Variants in CASD1 observed in about 807,000 individuals in gnomAD.
The protein encoded by CASD1 is CAS1 domain sialic acid O acetyltransferase 1, also known as N-acetylneuraminate (7)9-O-acetyltransferase.
CASD1 carries 41 observed loss-of-function variants against 100.0 expected under a neutral mutation model. The observed-to-expected ratio is 0.41, with a 90% CI of 0.32 to 0.53. CASD1 has a LOEUF of 0.53. Ranked by LOEUF, CASD1 falls within the 20% of genes least tolerant of loss-of-function variation. The pLI is 0.25. For missense variants in CASD1, 774 were observed against 948.7 expected, an observed-to-expected ratio of 0.82 and a Z score of 2.42; for synonymous variants, 321 against 315.6, an observed-to-expected ratio of 1.02 and a Z score of -0.18.
the CASD1 span, chr7:94,597,961 C>CAT: frequency 1.2e-5 from 2 of 163,366 alleles, no homozygotes; most frequent in Non-Finnish European, 2.6e-5. Context: ...GAGCCAAGAT[C>CAT]GCTCCATTGC....
chr7:94,549,921 T>C (rs528986208), intron 14 of CASD1, among the ~76,000 whole-genome samples: 11 of 152,080 alleles, frequency 7.2e-5, no homozygotes, highest in African/African-American at 2.7e-4. Context: ...GTTGTATATA[T>C]GCTTCAGCCA....
chr7:94,534,113 T>A (rs1216501265), intron 7 of CASD1, among the ~76,000 whole-genome samples: 1 of 151,830 alleles, frequency 6.6e-6, no homozygotes, highest in African/African-American at 2.4e-5. Flanking sequence ...CAAAACATAT[T>A]TATTGTGATT....
At chr7:94,562,223 A>G in the CASD1 span, among the ~76,000 whole-genome samples, 1 of 152,172 alleles carries the variant, frequency 6.6e-6, no homozygotes, top group South Asian at 2.1e-4. Context: ...AAAACAGGGC[A>G]CTTTGGTATT....
the CASD1 span, among the ~76,000 whole-genome samples, chr7:94,612,746 T>C: frequency 3.3e-5 from 5 of 152,156 alleles, no homozygotes; most frequent in East Asian, 7.7e-4. Context: ...CAACTTAATA[T>C]GTTCCAAACT....
chr7:94,509,998 T>C lies in CASD1; in HGVS notation c.-87T>C, dbSNP rs1490174726. On this transcript the variant is annotated 5_prime_UTR_variant, in exon 1 of 18. Coordinates refer to ENST00000297273, the MANE Select transcript of CASD1 (RefSeq NM_022900.5). ...GGGGAGCTGGCGGCCGCTCCTCGCC[T>C]GGCTGCAGCGGCGGCAGCCCCAGTG... 2 of 1,287,062 alleles carry C rather than the reference T, an allele frequency of 1.6e-6. No individual in the cohort carries two copies. Among genetic ancestry groups the C allele is most frequent in the Admixed American group, 6.9e-5 (2 of 29,050 alleles). 79.7% of individuals were successfully genotyped at this position (1,287,062 alleles called of 1,614,324 possible).
the CASD1 span, chr7:94,600,705 T>C: frequency 6.2e-7 from 1 of 1,613,820 alleles, no homozygotes; most frequent in African/African-American, 1.3e-5. Flanking sequence ...CCAGTGCCAC[T>C]GCCGAGGGCA....
the CASD1 span, among the ~76,000 whole-genome samples, chr7:94,585,843 T>TA: frequency 4.0e-5 from 6 of 151,768 alleles, no homozygotes; most frequent in Non-Finnish European, 8.8e-5. Flanking sequence ...TCGTGGCTTT[T>TA]AAAAAAATAT....
chr7:94,522,600 A>T (rs538008627), intron 3 of CASD1, among the ~76,000 whole-genome samples: 49 of 152,274 alleles, frequency 3.2e-4, no homozygotes, highest in African/African-American at 8.7e-4. Context: ...TAGAAAATAC[A>T]CTTTACAATC....
the CASD1 span, among the ~76,000 whole-genome samples, chr7:94,569,418 A>T: frequency 6.6e-6 from 1 of 152,158 alleles, no homozygotes; most frequent in Non-Finnish European, 1.5e-5. Context: ...AATCCCAAGG[A>T]ATATTGCTAA....
At chr7:94,569,805 T>C in the CASD1 span, among the ~76,000 whole-genome samples, 1 of 147,034 alleles carries the variant, frequency 6.8e-6, no homozygotes, top group South Asian at 2.2e-4. Flanking sequence ...ATTCTACCAA[T>C]CTCTGACTTT....
the CASD1 span, among the ~76,000 whole-genome samples, chr7:94,592,756 G>A: frequency 6.6e-6 from 1 of 152,112 alleles, no homozygotes; most frequent in South Asian, 2.1e-4. Flanking sequence ...AATTCTGTGA[G>A]TAAGGTTGAT....
chr7:94,561,194 C>T (rs764318391), downstream of CASD1, among the ~76,000 whole-genome samples: 2 of 151,870 alleles, frequency 1.3e-5, no homozygotes, highest in Non-Finnish European at 2.9e-5. Context: ...TGCAATGAGC[C>T]GAGATCACGC....
the CASD1 span, chr7:94,599,061 AAAT>A: frequency 4.6e-6 from 4 of 875,258 alleles, no homozygotes; most frequent in Admixed American, 2.4e-5. Context: ...TTATCTTTTA[AAAT>A]AATAAGACAT....
chr7:94,587,552 G>A, the CASD1 span: 1 of 1,318,688 alleles, frequency 7.6e-7, no homozygotes, highest in East Asian at 3.1e-5. Context: ...TGGTAGTAGG[G>A]ATTCATTTAT....
At chr7:94,565,680 A>G in the CASD1 span, among the ~76,000 whole-genome samples, 2 of 152,188 alleles carry the variant, frequency 1.3e-5, no homozygotes, top group Non-Finnish European at 2.9e-5. Context: ...CAAGGACTTC[A>G]TGATTCACAT....
At chr7:94,568,772 ATAAAAGAAG>A in the CASD1 span, among the ~76,000 whole-genome samples, 1 of 152,344 alleles carries the variant, frequency 6.6e-6, no homozygotes, top group Non-Finnish European at 1.5e-5. Flanking sequence ...TATTGCCCTT[ATAAAAGAAG>A]CCCCAGAGAG....
At chr7:94,544,600 A>G in intron 11 of CASD1, 70 bp downstream of exon 11, 1 of 1,486,696 alleles carries the variant, frequency 6.7e-7, no homozygotes, top group Non-Finnish European at 9.1e-7. Context: ...TAACTTGAGA[A>G]AAAAATATAA....
At chr7:94,609,631 A>G in the CASD1 span, among the ~76,000 whole-genome samples, 11 of 152,366 alleles carry the variant, frequency 7.2e-5, no homozygotes, top group African/African-American at 2.4e-4. Context: ...TCCACTTTAC[A>G]TATCATCATG....
chr7:94,519,595 GAA>G (rs1378974578), intron 3 of CASD1, among the ~76,000 whole-genome samples: 1 of 152,056 alleles, frequency 6.6e-6, no homozygotes, highest in Non-Finnish European at 1.5e-5. Flanking sequence ...AAATTGTAGA[GAA>G]GACTCAGAAC....
Sources: gnomAD v4.1 joint callset for allele counts (sites outside exome capture counted in the v4.1 genomes callset) on GRCh38, gnomAD v4.1.1 for gene constraint, MANE v1.5 for transcripts, NCBI Gene and HGNC (gene_info 2026-07-23, HGNC 2026-07-21) for gene names.